The following TRPM6 variants were observed in gnomAD, a reference collection of about 807,000 sequenced individuals.
The protein encoded by TRPM6 is transient receptor potential cation channel subfamily M member 6.
Under a neutral mutation model 247.6 loss-of-function variants are expected in TRPM6, and 111 were observed. The ratio of observed to expected loss-of-function variants is 0.45; its 90% CI spans 0.38 to 0.52. TRPM6 has a LOEUF of 0.52. Among genes scored for constraint, TRPM6 ranks in the 20% least tolerant of loss-of-function variants. The probability of loss-of-function intolerance (pLI) is 0.00; values close to 1 mark genes in which losing one functional copy is unlikely to be tolerated. For missense variants in TRPM6, 2,126 were observed against 2,421.5 expected (o/e 0.88, Z 2.56); for synonymous variants, 892 against 853.8 (o/e 1.04, Z -0.78).
rs764443945 is a variant in TRPM6 at position 74,762,133 on chromosome 9, G to A, written c.4538C>T (p.Ser1513Leu). The A allele has an allele frequency of 2.5e-6, 4 of 1,614,220 alleles. No homozygotes were observed. Among genetic ancestry groups the A allele is most frequent in the East Asian group, 4.5e-5 (2 of 44,886 alleles). ...TGGCTGAAGCCATGGTCCCACCTCT[G>A]AGCATTCACTACTCTGGGCCGATCT... ...STRSAQSSEC[S>L]EVGPWLQPNT... The change falls in exon 26 of 39, where the codon TCA (serine) becomes TTA (leucine). Residue 1513 changes from serine to leucine, a missense_variant. This residue lies in a region of TRPM6 where 717 missense variants were observed against 715.9 expected (regional missense o/e 1.00). Transcript: ENST00000360774.
At chr9:74,760,761 T>A (rs1826597789) in intron 27 of TRPM6, among the ~76,000 whole-genome samples, 1 of 152,186 alleles carries the variant, frequency 6.6e-6, no homozygotes, top group East Asian at 1.9e-4. Context: ...CCCAGTGTAA[T>A]CATATTAAGA....
chr9:74,839,888 A>AGGGAGGGAG (rs1829861604), intron 5 of TRPM6, 136 bp downstream of exon 5: 1 of 179,494 alleles, frequency 5.6e-6, no homozygotes, highest in African/African-American at 1.6e-4. Context: ...GAAGGAAGGA[A>AGGGAGGGAG]GGAAGGAGGG....
intron 38 of TRPM6, among the ~76,000 whole-genome samples, chr9:74,727,747 G>A (rs1428989796): frequency 6.6e-6 from 1 of 152,202 alleles, no homozygotes; most frequent in Non-Finnish European, 1.5e-5. Context: ...AAAAATATAT[G>A]TTGCAATGTG....
At chr9:74,743,425 G>C (rs936521525) in intron 32 of TRPM6, among the ~76,000 whole-genome samples, 25 of 152,206 alleles carry the variant, frequency 1.6e-4, no homozygotes, top group African/African-American at 5.5e-4. Flanking sequence ...CCAATGCTGA[G>C]AGCAATGACT....
At chr9:74,887,746 C>G in intron 1 of TRPM6, 78 bp downstream of exon 1, 1 of 1,613,744 alleles carries the variant, frequency 6.2e-7, no homozygotes, top group Non-Finnish European at 8.5e-7. Context: ...CCACCCACTT[C>G]TATCTAAGGC....
chr9:74,829,401 G>T (rs538028218), intron 6 of TRPM6, among the ~76,000 whole-genome samples: 9 of 152,302 alleles, frequency 5.9e-5, no homozygotes, highest in African/African-American at 2.2e-4. Context: ...TTCTTAAGCT[G>T]CTCCACTTCG....
chr9:74,726,749 T>A (rs1286214603), intron 38 of TRPM6, among the ~76,000 whole-genome samples: 1 of 151,956 alleles, frequency 6.6e-6, no homozygotes, highest in East Asian at 1.9e-4. Flanking sequence ...GGATGTTGAG[T>A]GAATGAGCCG....
At chr9:74,836,423 C>T (rs1268881630) in intron 5 of TRPM6, among the ~76,000 whole-genome samples, 1 of 152,164 alleles carries the variant, frequency 6.6e-6, no homozygotes, top group Non-Finnish European at 1.5e-5. Flanking sequence ...TCCCTTCCAA[C>T]TCATTTTCTG....
intron 24 of TRPM6, among the ~76,000 whole-genome samples, chr9:74,774,588 G>A (rs1489948847): frequency 1.3e-5 from 2 of 152,104 alleles, no homozygotes; most frequent in African/African-American, 4.8e-5. Flanking sequence ...ATATACTGCA[G>A]GGGATGACCT....
At chr9:74,827,637 T>C (rs1237854403) in intron 7 of TRPM6, 141 bp downstream of exon 7, 2 of 829,898 alleles carry the variant, frequency 2.4e-6, no homozygotes, top group African/African-American at 3.4e-5. Flanking sequence ...GATGCCCATG[T>C]GGGAAGGGGG....
intron 6 of TRPM6, among the ~76,000 whole-genome samples, chr9:74,828,351 C>CA (rs1829421249): frequency 6.7e-6 from 1 of 149,696 alleles, no homozygotes; most frequent in Non-Finnish European, 1.5e-5. Context: ...GACTCCGTCT[C>CA]AAAAAGAAAA....
At chr9:74,811,849 T>C (rs1828740591) in intron 12 of TRPM6, among the ~76,000 whole-genome samples, 1 of 152,124 alleles carries the variant, frequency 6.6e-6, no homozygotes. Flanking sequence ...ACAGTATAGA[T>C]TTTGAAAAAG....
At position 74,786,105 on chromosome 9, in the gene TRPM6, C is replaced by T. The variant is rs1470792360; in HGVS notation, c.2688G>A (p.Gly896=). Residue 896 remains glycine, a synonymous_variant, in exon 21 of 39, where the codon GGG becomes GGA. Transcript: ENST00000360774. ...ATACCTTCACCTTTTGGGTAAACTT[C>T]CCAGGTTCTGAAATACAGATCTAAA... ...VVREICISEP[G]KFTQKVKVWI... is the part of the protein sequence containing the mutation. 3.1e-6 allele frequency: 5 copies of T among 1,614,042 alleles called. No homozygotes were observed. Among genetic ancestry groups the T allele is most frequent in the African/African-American group, 1.3e-5 (1 of 74,918 alleles).
In TRPM6 at chr9:74,840,133, GC is replaced by G; in HGVS notation, c.434del (p.Gly145AlafsTer30). On this transcript the variant is annotated frameshift_variant, in exon 5 of 39. Coordinates refer to ENST00000360774, the MANE Select transcript of TRPM6 (RefSeq NM_017662.5). LOFTEE classifies it high-confidence loss of function. ...LPKLVISVHG[G>X]IQNFTMPSKF... ...TAGAGGGCATAGTAAAGTTCTGGAT[GC>G]CCCCATGGACTGAGATCACAAGCTT... 6.2e-7 allele frequency: 1 copy of G among 1,613,860 alleles called. No homozygotes were observed. The highest frequency in any genetic ancestry group is 1.1e-5 in the South Asian group (1 of 91,068).
At chr9:74,836,358 A>C (rs963774810) in intron 5 of TRPM6, among the ~76,000 whole-genome samples, 2 of 152,208 alleles carry the variant, frequency 1.3e-5, no homozygotes, top group Non-Finnish European at 2.9e-5. Flanking sequence ...AATAACCTGC[A>C]TATGGCATGG....
intron 1 of TRPM6, among the ~76,000 whole-genome samples, chr9:74,874,145 A>G (rs745955842): frequency 6.6e-5 from 10 of 152,086 alleles, no homozygotes; most frequent in Admixed American, 2.0e-4. Flanking sequence ...CAGAGTGAGA[A>G]GAATCACTTG....
At chr9:74,782,924 G>A in intron 21 of TRPM6, 71 bp from the exon 22 acceptor site, 3 of 1,443,614 alleles carry the variant, frequency 2.1e-6, no homozygotes, top group Non-Finnish European at 2.9e-6. Context: ...AACACCAGCA[G>A]CCATCATAAC....
chr9:74,874,065 G>T (rs980390108), intron 1 of TRPM6, among the ~76,000 whole-genome samples: 2 of 151,764 alleles, frequency 1.3e-5, no homozygotes, highest in Non-Finnish European at 2.9e-5. Context: ...GAGAAACCCT[G>T]CCTCTACTAA....
At chr9:74,786,920 C>T (rs1161459807) in intron 20 of TRPM6, among the ~76,000 whole-genome samples, 3 of 151,394 alleles carry the variant, frequency 2.0e-5, no homozygotes, top group African/African-American at 7.3e-5. Context: ...GATATTGGGC[C>T]GGGTGCAGTG....
Sources: gnomAD v4.1 joint callset for allele counts (sites outside exome capture counted in the v4.1 genomes callset) on GRCh38, gnomAD v4.1.1 for gene constraint, gnomAD v4.1.1 regional missense constraint, MANE v1.5 for transcripts, NCBI Gene and HGNC (gene_info 2026-07-23, HGNC 2026-07-21) for gene names.